MNDA: variants seen among roughly 807,000 people sequenced by gnomAD.
The protein encoded by MNDA is epididymis secretory sperm binding protein.
A neutral mutation model predicts 37.8 loss-of-function variants in MNDA; 43 were observed. That is an observed-to-expected ratio of 1.14 (90% CI 0.89 to 1.47). MNDA has a LOEUF of 1.47. Among genes scored for constraint, MNDA ranks in the 40% most tolerant of loss-of-function variants. The pLI is 0.00. For missense variants in MNDA, 536 were observed against 476.0 expected, an observed-to-expected ratio of 1.13 and a Z score of -1.17; for synonymous variants, 181 against 169.0, an observed-to-expected ratio of 1.07 and a Z score of -0.55.
At position 158,845,510 on chromosome 1, in the gene MNDA, G is replaced by C. The variant is rs1478166986; in HGVS notation, c.571-77G>C. 3 of 1,446,270 alleles carry C rather than the reference G, an allele frequency of 2.1e-6. No homozygotes were observed. The Admixed American group carries it at 7.1e-5, about 34-fold the overall frequency. The allele number at this position is 1,446,270 out of a possible 1,614,324, so 89.6% of individuals were successfully genotyped here. ...CCGCCTCGGCTTCCCAAAGTGCTAG[G>C]ATTACAGGCGTGAGCCACCGCGCCC... On this transcript the variant is annotated intron_variant, in intron 4 of 6. Coordinates refer to ENST00000368141, the MANE Select transcript of MNDA (RefSeq NM_002432.3).
intron 1 of MNDA, among the ~76,000 whole-genome samples, chr1:158,833,604 T>G (rs1211747644): frequency 1.3e-5 from 2 of 152,234 alleles, no homozygotes; most frequent in Non-Finnish European, 2.9e-5. Flanking sequence ...GTGACTGGCT[T>G]TTTTCATTTC....
intron 1 of MNDA, among the ~76,000 whole-genome samples, chr1:158,835,262 C>CCTT (rs1378406381): frequency 3.3e-5 from 5 of 152,136 alleles, no homozygotes; most frequent in African/African-American, 1.2e-4. Flanking sequence ...GACACAGATG[C>CCTT]CTTCCCATGT....
intron 5 of MNDA, among the ~76,000 whole-genome samples, chr1:158,847,450 T>G (rs544443167): frequency 2.0e-5 from 3 of 152,260 alleles, no homozygotes; most frequent in Admixed American, 2.0e-4. Context: ...TATATCTAGG[T>G]GCTTTATTTA....
chr1:158,833,430 C>A (rs61830771), intron 1 of MNDA, among the ~76,000 whole-genome samples: 1 of 152,196 alleles, frequency 6.6e-6, no homozygotes, highest in Non-Finnish European at 1.5e-5. Flanking sequence ...ACCTCCAGAA[C>A]GCCTTTGCAT....
chr1:158,840,108 C>T (rs1329046733), intron 1 of MNDA, among the ~76,000 whole-genome samples: 1 of 152,114 alleles, frequency 6.6e-6, no homozygotes, highest in African/African-American at 2.4e-5. Context: ...TGTATGTAGG[C>T]ACTGCAAGTG....
At chr1:158,844,990 A>G (rs908249666) in intron 4 of MNDA, among the ~76,000 whole-genome samples, 10 of 152,138 alleles carry the variant, frequency 6.6e-5, no homozygotes, top group African/African-American at 1.9e-4. Context: ...GCTTTGCTTC[A>G]GGAAGATTAT....
intron 4 of MNDA, 103 bp from the exon 5 acceptor site, chr1:158,845,484 C>T (rs1269741880): frequency 5.2e-6 from 6 of 1,144,450 alleles, no homozygotes; most frequent in Non-Finnish European, 6.1e-6. Context: ...TCGTGATCCA[C>T]CCGCCTCGGC....
chr1:158,844,009 C>T lies in MNDA; in HGVS notation c.457C>T (p.Gln153Ter). 1 of 1,613,356 alleles carries T rather than the reference C, an allele frequency of 6.2e-7. No homozygotes were observed. The highest frequency in any genetic ancestry group is 8.5e-7 in the Non-Finnish European group (1 of 1,179,770). Residue 153 changes from glutamine (Q) to a stop codon, truncating the protein, a stop_gained, in exon 4 of 7, where the codon CAA (glutamine) becomes TAA (stop). Coordinates refer to ENST00000368141, the MANE Select transcript of MNDA (RefSeq NM_002432.3). LOFTEE classifies it high-confidence loss of function. ...TGAAGCCAAAAGGAATAAGGTGTCC[C>T]AAGAGCAGAGTAAGCCCCCAGGTCC... ...KTEAKRNKVS[Q>*]EQSKPPGPSG...
chr1:158,835,048 C>A (rs1658880191), intron 1 of MNDA, among the ~76,000 whole-genome samples: 1 of 152,168 alleles, frequency 6.6e-6, no homozygotes, highest in South Asian at 2.1e-4. Flanking sequence ...AGCAGGAAGT[C>A]TGAAACCTCC....
chr1:158,848,742 T>A (rs939547205), intron 6 of MNDA, among the ~76,000 whole-genome samples: 4 of 152,132 alleles, frequency 2.6e-5, no homozygotes, highest in Non-Finnish European at 5.9e-5. Context: ...GGCAGAGATA[T>A]CTATTAGAAG....
At chr1:158,846,782 C>T (rs149485250) in intron 5 of MNDA, among the ~76,000 whole-genome samples, 1 of 152,266 alleles carries the variant, frequency 6.6e-6, no homozygotes, top group African/African-American at 2.4e-5. Context: ...TGCTTTATAA[C>T]CCTACATACA....
intron 1 of MNDA, among the ~76,000 whole-genome samples, chr1:158,838,582 T>C (rs1658967720): frequency 6.6e-6 from 1 of 152,142 alleles, no homozygotes; most frequent in East Asian, 1.9e-4. Flanking sequence ...GAGTTTATCA[T>C]AGTTGCAGCT....
intron 1 of MNDA, among the ~76,000 whole-genome samples, chr1:158,832,054 CA>C (rs1250531424): frequency 1.3e-5 from 2 of 152,134 alleles, no homozygotes; most frequent in African/African-American, 4.8e-5. Flanking sequence ...ATAATCTTTA[CA>C]TTTTCATGAA....
intron 3 of MNDA, 74 bp downstream of exon 3, chr1:158,843,489 A>G (rs986444898): frequency 7.1e-7 from 1 of 1,409,404 alleles, no homozygotes. Flanking sequence ...CTCTTTACTA[A>G]TATCTCAACA....
At chr1:158,842,455 T>C in intron 2 of MNDA, 37 bp downstream of exon 2, 1 of 1,575,690 alleles carries the variant, frequency 6.3e-7, no homozygotes, top group East Asian at 2.2e-5. Flanking sequence ...TACTCTGCCT[T>C]GAGTCTCCCC....
At chr1:158,836,176 T>G (rs2102045588) in intron 1 of MNDA, among the ~76,000 whole-genome samples, 1 of 152,138 alleles carries the variant, frequency 6.6e-6, no homozygotes, top group East Asian at 1.9e-4. Context: ...TAAGGGATAT[T>G]GTTTAGAAAA....
intron 1 of MNDA, among the ~76,000 whole-genome samples, chr1:158,835,618 G>T (rs78513455): frequency 2.3e-5 from 2 of 88,376 alleles, no homozygotes; most frequent in Non-Finnish European, 4.6e-5. Context: ...TTTTTGGTGG[G>T]GGCGGGGGGT....
chr1:158,840,662 A>C (rs1659014286), intron 1 of MNDA, among the ~76,000 whole-genome samples: 1 of 152,186 alleles, frequency 6.6e-6, no homozygotes, highest in Non-Finnish European at 1.5e-5. Context: ...AAAATTGCAG[A>C]CATATAATTA....
intron 1 of MNDA, among the ~76,000 whole-genome samples, chr1:158,840,398 A>C (rs1659007324): frequency 6.6e-6 from 1 of 152,142 alleles, no homozygotes; most frequent in South Asian, 2.1e-4. Flanking sequence ...AGAGAGAATG[A>C]GTGCTAGCAG....
Sources: gnomAD v4.1 joint callset for allele counts (sites outside exome capture counted in the v4.1 genomes callset) on GRCh38, gnomAD v4.1.1 for gene constraint, MANE v1.5 for transcripts, NCBI Gene and HGNC (gene_info 2026-07-23, HGNC 2026-07-21) for gene names.